The following HK1 variants were observed in gnomAD, a reference collection of about 807,000 sequenced individuals.
HK1 encodes the protein hexokinase-1.
HK1 carries 28 observed loss-of-function variants against 91.6 expected under a neutral mutation model. The observed-to-expected ratio is 0.31, with a 90% CI of 0.23 to 0.42. The LOEUF (loss-of-function observed/expected upper bound fraction) is 0.42. Ranked by LOEUF, HK1 falls within the 10% of genes least tolerant of loss-of-function variation. HK1 has a pLI of 1.00. For synonymous variants in HK1, 430 were observed against 468.1 expected (o/e 0.92, Z 1.05); for missense variants, 770 against 1,219.8 (o/e 0.63, Z 5.49).
intron 1 of HK1, among the ~76,000 whole-genome samples, chr10:69,275,589 G>A (rs937177915): frequency 6.6e-6 from 1 of 152,118 alleles, no homozygotes; most frequent in African/African-American, 2.4e-5. Flanking sequence ...AACAAAAAAG[G>A]AGCCATAGAC....
upstream of HK1, chr10:69,315,888 G>A: frequency 6.6e-7 from 1 of 1,515,606 alleles, no homozygotes; most frequent in Non-Finnish European, 9.2e-7. Context: ...CTGACACTGG[G>A]CAAGATGGCC....
intron 1 of HK1, among the ~76,000 whole-genome samples, chr10:69,330,911 G>A (rs541158207): frequency 6.5e-4 from 96 of 147,856 alleles, no homozygotes; most frequent in Admixed American, 2.9e-3. Flanking sequence ...GACAGTTCTC[G>A]CTGTGTCGCC....
chr10:69,289,420 A>G (rs1019951374), intron 3 of HK1, among the ~76,000 whole-genome samples: 2 of 139,354 alleles, frequency 1.4e-5, no homozygotes, highest in African/African-American at 2.8e-5. Flanking sequence ...TGAATTTTAT[A>G]TTGCCATGTA....
chr10:69,297,218 A>C (rs1160606009), intron 4 of HK1, among the ~76,000 whole-genome samples: 2 of 152,250 alleles, frequency 1.3e-5, no homozygotes, highest in African/African-American at 4.8e-5. Context: ...TAGAGAAAAG[A>C]AAATGTTATT....
chr10:69,358,896 A>G lies in HK1; in HGVS notation c.227-1001A>G, dbSNP rs1043135855. 4.0e-5 allele frequency among the ~76,000 whole-genome samples: 6 copies of G among 150,392 alleles called. No homozygotes were observed. The East Asian group carries it at 5.8e-4, about 15-fold the overall frequency. On this transcript the variant is annotated intron_variant, in intron 2 of 17. Coordinates refer to ENST00000359426, the MANE Select transcript of HK1 (RefSeq NM_000188.3). ...AAAAAAAAAAAAAGGATGAAATTCTATTGGGGGCAGGGTGGCTCATACCTG... is the reference window on the plus strand; with the variant it reads ...AAAAAAAAAAAAAGGATGAAATTCTGTTGGGGGCAGGGTGGCTCATACCTG...
At chr10:69,396,768 G>A (rs1840162302) in intron 16 of HK1, among the ~76,000 whole-genome samples, 1 of 152,102 alleles carries the variant, frequency 6.6e-6, no homozygotes. Context: ...CATAACCTCT[G>A]CCTCCTGGGT....
At chr10:69,378,493 A>C (rs932001914) in intron 8 of HK1, among the ~76,000 whole-genome samples, 1 of 152,202 alleles carries the variant, frequency 6.6e-6, no homozygotes, top group African/African-American at 2.4e-5. Flanking sequence ...TATGAGAATC[A>C]AAAAAGAAGT....
At chr10:69,329,770 T>G (rs1847602052) in intron 1 of HK1, among the ~76,000 whole-genome samples, 1 of 152,094 alleles carries the variant, frequency 6.6e-6, no homozygotes, top group Non-Finnish European at 1.5e-5. Flanking sequence ...GGAATTGGCT[T>G]GGGATCCTCC....
intron 4 of HK1, among the ~76,000 whole-genome samples, chr10:69,299,533 AT>A (rs1845744561): frequency 6.7e-6 from 1 of 148,664 alleles, no homozygotes; most frequent in South Asian, 2.1e-4. Flanking sequence ...GGCCCAGCTA[AT>A]TTTTGTATTT....
chr10:69,288,672 C>A, exon 3 of HK1: 7 of 1,433,610 alleles, frequency 4.9e-6, no homozygotes, highest in Non-Finnish European at 5.9e-6. Context: ...TTTCTCTAGG[C>A]GTTCAAGACC....
chr10:69,379,944 C>T lies in HK1; in HGVS notation c.1114C>T (p.Gln372Ter). 1 of 1,614,206 alleles carries T rather than the reference C, an allele frequency of 6.2e-7. No individual in the cohort carries two copies. The highest frequency in any genetic ancestry group is 8.5e-7 in the Non-Finnish European group (1 of 1,180,014). ...GTCCGATGATGACTGTGTCTCAGTCCAGCACGTTTGCACCATTGTCTCATT... is the reference window on the plus strand; with the variant it reads ...GTCCGATGATGACTGTGTCTCAGTCTAGCACGTTTGCACCATTGTCTCATT... The part of the protein sequence containing the change: ...EPSDDDCVSV[Q>*]HVCTIVSFRS... The change falls in exon 9 of 18, where the codon CAG (glutamine) becomes TAG (stop). Residue 372 changes from glutamine (Q) to a stop codon, truncating the protein, a stop_gained. Transcript: ENST00000359426. LOFTEE classifies it high-confidence loss of function.
At position 69,392,206 on chromosome 10, in the gene HK1, A is replaced by G. The variant is rs759628395; in HGVS notation, c.2117A>G (p.Asn706Ser). 1 of 1,614,202 alleles carries G rather than the reference A, an allele frequency of 6.2e-7. No homozygotes were observed. The change falls in exon 15 of 18, where the codon AAC (asparagine) becomes AGC (serine). Residue 706 changes from asparagine to serine, a missense_variant. Coordinates refer to ENST00000359426, the MANE Select transcript of HK1 (RefSeq NM_000188.3). Reference sequence around the variant, plus strand: ...GGGGACCAGGGGCAGATGTGCATCAACATGGAGTGGGGGGCCTTTGGGGAC... The same window carrying G: ...GGGGACCAGGGGCAGATGTGCATCAGCATGGAGTGGGGGGCCTTTGGGGAC... ...VEGDQGQMCINMEWGAFGDNG... is the reference protein window; with the variant it reads ...VEGDQGQMCISMEWGAFGDNG...
rs749317447 is a variant in HK1, at chr10:69,369,799, C to T, written c.875+175C>T. Among the ~76,000 whole-genome samples, 14 of 152,098 alleles carry T rather than the reference C, an allele frequency of 9.2e-5. No individual in the cohort carries two copies. Among genetic ancestry groups the T allele is most frequent in the African/African-American group, 1.7e-4 (7 of 41,404 alleles). ...TGTCACCCAGGCTGGAGTGCAGTGG[C>T]TCAATCTCAGCTCATTGCAACCTCC... On this transcript the variant is annotated intron_variant, in intron 7 of 17. Coordinates refer to ENST00000359426, the MANE Select transcript of HK1 (RefSeq NM_000188.3). This position sits in a 1 kb window ranked among gnomAD's most constrained non-coding sequence, Gnocchi z 4.4.
chr10:69,346,678 T>G (rs752181251), intron 2 of HK1, among the ~76,000 whole-genome samples: 6 of 152,016 alleles, frequency 3.9e-5, no homozygotes, highest in Non-Finnish European at 7.4e-5. Context: ...TTTTTATTTT[T>G]ATTTTTTAGT....
chr10:69,320,875 C>T (rs74574947), intron 1 of HK1, among the ~76,000 whole-genome samples: 2,133 of 152,266 alleles, frequency 0.014, 50 homozygotes, highest in African/African-American at 0.049. Flanking sequence ...CTCTCCACTC[C>T]TGTGGGTGGC....
chr10:69,318,005 G>A, upstream of HK1: 1 of 972,052 alleles, frequency 1.0e-6, no homozygotes, highest in Non-Finnish European at 1.2e-6. Flanking sequence ...CCAAGTCCCA[G>A]TGGGCCTGGA....
At chr10:69,274,931 C>T (rs1308216269) in intron 1 of HK1, among the ~76,000 whole-genome samples, 3 of 152,078 alleles carry the variant, frequency 2.0e-5, no homozygotes, top group African/African-American at 4.8e-5. Context: ...TGCCGAGACT[C>T]AACAAATGCC....
At chr10:69,356,836 T>C (rs796697491) in intron 2 of HK1, among the ~76,000 whole-genome samples, 2 of 142,426 alleles carry the variant, frequency 1.4e-5, no homozygotes, top group South Asian at 4.3e-4. Flanking sequence ...TGAGTCGAGA[T>C]TGAGCCACTG....
At chr10:69,364,757 C>T in intron 3 of HK1, 26 bp from the exon 4 acceptor site, 2 of 1,614,116 alleles carry the variant, frequency 1.2e-6, no homozygotes, top group Non-Finnish European at 1.7e-6. Context: ...TTTGGGGCCC[C>T]CTGACTGCTC....
Sources: allele counts gnomAD v4.1 joint callset (sites outside exome capture counted in the v4.1 genomes callset), GRCh38; gene constraint gnomAD v4.1.1; non-coding constraint Gnocchi (gnomAD v3.1); transcripts MANE v1.5; gene names NCBI Gene and HGNC (gene_info 2026-07-23, HGNC 2026-07-21).